The following AADACL4 variants were observed in gnomAD, a reference collection of about 807,000 sequenced individuals.
The protein encoded by AADACL4 is arylacetamide deacetylase-like 4.
AADACL4 carries 9 observed loss-of-function variants against 14.1 expected under a neutral mutation model. The ratio of observed to expected loss-of-function variants is 0.64; its 90% confidence interval spans 0.39 to 1.12. AADACL4 has a LOEUF of 1.12. AADACL4 is among the 50% of genes most tolerant of loss of function. The pLI is 0.01. For missense variants in AADACL4, 531 were observed against 516.1 expected, an observed-to-expected ratio of 1.03 and a Z score of -0.28; for synonymous variants, 188 against 201.6, an observed-to-expected ratio of 0.93 and a Z score of 0.57.
intron 2 of AADACL4, among the ~76,000 whole-genome samples, chr1:12,659,210 T>C (rs1472307823): frequency 6.6e-6 from 1 of 152,166 alleles, no homozygotes; most frequent in Non-Finnish European, 1.5e-5. Context: ...TCTGTTGTCA[T>C]GGGAACAGAA....
intron 3 of AADACL4, among the ~76,000 whole-genome samples, chr1:12,662,374 T>C (rs1000070273): frequency 2.0e-5 from 3 of 152,096 alleles, no homozygotes; most frequent in Non-Finnish European, 2.9e-5. Context: ...CAAAATGGCA[T>C]GATGGTGGGG....
chr1:12,648,388 C>CCTTCCTTCCTTCCTTTCTTT (rs1487579652), intron 1 of AADACL4, among the ~76,000 whole-genome samples: 1,496 of 146,686 alleles, frequency 0.01, 27 homozygotes, highest in African/African-American at 0.03. Flanking sequence ...TTCCTTCCTT[C>CCTTCCTTCCTTCCTTTCTTT]CTTTCTTTCC....
rs544383295 is a variant in AADACL4 at position 12,657,593 on chromosome 1, T to C, written c.386-4198T>C. On this transcript the variant is annotated intron_variant, in intron 2 of 3. Coordinates refer to ENST00000376221, the MANE Select transcript of AADACL4 (RefSeq NM_001013630.2). ...GAAAAGCACATAGTCAAGAAAAGAG[T>C]GCAGGCAGACTCAAGAGAGACACGT... is the stretch of plus-strand genomic sequence containing the variant. Among the ~76,000 whole-genome samples the C allele has an allele frequency of 3.9e-5, 6 of 152,032 alleles. No individual in the cohort carries two copies. The South Asian group carries it at 1.2e-3, about 32-fold the overall frequency.
intron 2 of AADACL4, 128 bp downstream of exon 2, chr1:12,651,467 T>A: frequency 2.0e-6 from 2 of 984,370 alleles, no homozygotes; most frequent in Non-Finnish European, 3.0e-6. Flanking sequence ...TTTATAGCGT[T>A]AATAGCCCAG....
chr1:12,666,001 C>T lies in AADACL4; in HGVS notation c.490C>T (p.Gln164Ter), dbSNP rs1473053841. 3.1e-6 allele frequency: 5 copies of T among 1,613,254 alleles called. No individual in the cohort carries two copies. In the African/African-American group the frequency reaches 4.0e-5, roughly 13 times the overall value. ...LPDHHSPALF[Q>*]DCMNASIHFL... ...TGACCACCATTCCCCTGCCCTTTTC[C>T]AAGACTGCATGAATGCCTCCATTCA... The change falls in exon 4 of 4, where the codon CAA becomes TAA. Residue 164 changes from glutamine to a stop codon, truncating the protein, a stop_gained. Transcript: ENST00000376221. LOFTEE classifies it low-confidence loss of function (END_TRUNC).
At chr1:12,659,321 C>T (rs1487206120) in intron 2 of AADACL4, among the ~76,000 whole-genome samples, 1 of 152,164 alleles carries the variant, frequency 6.6e-6, no homozygotes, top group Non-Finnish European at 1.5e-5. Flanking sequence ...AATCTCACAG[C>T]ATCATTCCGA....
At chr1:12,655,758 A>G (rs1647176518) in intron 2 of AADACL4, among the ~76,000 whole-genome samples, 1 of 151,932 alleles carries the variant, frequency 6.6e-6, no homozygotes, top group South Asian at 2.1e-4. Flanking sequence ...TGTCCCTATT[A>G]TTGAATATCC....
At chr1:12,653,562 C>G (rs1025469286) in intron 2 of AADACL4, among the ~76,000 whole-genome samples, 1 of 152,162 alleles carries the variant, frequency 6.6e-6, no homozygotes, top group Non-Finnish European at 1.5e-5. Context: ...GGTTTATTAC[C>G]GCACAAACCC....
chr1:12,666,604 G>C lies in AADACL4; in HGVS notation c.1093G>C (p.Val365Leu). The change falls in exon 4 of 4, where the codon GTC becomes CTC. Residue 365 changes from valine to leucine, a missense_variant. Val to Leu is a conservative substitution (Grantham distance 32, BLOSUM62 1). Transcript: ENST00000376221. The stretch of plus-strand genomic sequence containing the variant: ...TAAGAAGCGCTTGGAGGACCAGGGG[G>C]TCCGCGTGACATGGTACCACCTGTA... ...LYKKRLEDQG[V>L]RVTWYHLYDG... 6.2e-7 allele frequency: 1 copy of C among 1,614,218 alleles called. No individual in the cohort carries two copies. The highest frequency in any genetic ancestry group is 8.5e-7 in the Non-Finnish European group (1 of 1,180,038).
chr1:12,662,851 C>G (rs1365016854), intron 3 of AADACL4, among the ~76,000 whole-genome samples: 2 of 152,186 alleles, frequency 1.3e-5, no homozygotes, highest in Non-Finnish European at 2.9e-5. Flanking sequence ...AGGTGGCTTA[C>G]CATTGTGTCT....
rs777133557 is a variant in AADACL4 at position 12,666,742 on chromosome 1, C to T, written c.*7C>T. On this transcript the variant is annotated 3_prime_UTR_variant, in exon 4 of 4. Coordinates refer to ENST00000376221, the MANE Select transcript of AADACL4 (RefSeq NM_001013630.2). The stretch of plus-strand genomic sequence containing the variant: ...TTATATAAAGGGCATATGATAGTAA[C>T]CCTGGGGCCCCGAGGAGGAAGGGGC... 4 of 1,584,790 alleles carry T rather than the reference C, an allele frequency of 2.5e-6. No homozygotes were observed. The highest frequency in any genetic ancestry group is 3.4e-6 in the Non-Finnish European group (4 of 1,169,552).
intron 1 of AADACL4, among the ~76,000 whole-genome samples, chr1:12,646,412 A>G (rs955265106): frequency 6.6e-6 from 1 of 152,196 alleles, no homozygotes; most frequent in Non-Finnish European, 1.5e-5. Flanking sequence ...TTACAAAAAC[A>G]TTTTCTAAAA....
chr1:12,659,249 G>C (rs1038976606), intron 2 of AADACL4, among the ~76,000 whole-genome samples: 2 of 152,214 alleles, frequency 1.3e-5, no homozygotes, highest in African/African-American at 4.8e-5. Flanking sequence ...GGACCTGACA[G>C]TCACCTGAGG....
Position 12,646,815 on chromosome 1 carries a change from A to C in AADACL4, c.168+2101A>C, listed in dbSNP as rs544320183. 3.3e-5 allele frequency among the ~76,000 whole-genome samples: 5 copies of C among 152,272 alleles called. No homozygotes were observed. In the East Asian group the frequency reaches 9.7e-4, roughly 29 times the overall value. On this transcript the variant is annotated intron_variant, in intron 1 of 3. Transcript: ENST00000376221. ...GGCGTCCTCTCTCGATCCCTCCGGCACTGGGGCCTCCCAGGGCACACTGCC... is the reference window on the plus strand; with the variant it reads ...GGCGTCCTCTCTCGATCCCTCCGGCCCTGGGGCCTCCCAGGGCACACTGCC...
At chr1:12,664,777 G>A (rs1490062177) in intron 3 of AADACL4, among the ~76,000 whole-genome samples, 1 of 152,156 alleles carries the variant, frequency 6.6e-6, no homozygotes, top group Non-Finnish European at 1.5e-5. Flanking sequence ...AAGCCAAACT[G>A]TTTCTATTTT....
chr1:12,661,712 C>A, intron 2 of AADACL4, 79 bp from the exon 3 acceptor site: 1 of 1,397,258 alleles, frequency 7.2e-7, no homozygotes, highest in Non-Finnish European at 1.0e-6. Context: ...AGACTGTCAG[C>A]TGGCTCTTCC....
At chr1:12,645,093 CCTT>C (rs1373048463) in intron 1 of AADACL4, among the ~76,000 whole-genome samples, 1 of 145,276 alleles carries the variant, frequency 6.9e-6, no homozygotes, top group Non-Finnish European at 1.5e-5. Flanking sequence ...CCGCTCCTTT[CCTT>C]CCTTTTTCCT....
At chr1:12,646,947 G>A (rs1436529870) in intron 1 of AADACL4, among the ~76,000 whole-genome samples, 1 of 152,104 alleles carries the variant, frequency 6.6e-6, no homozygotes, top group Non-Finnish European at 1.5e-5. Flanking sequence ...GGGAGGACAA[G>A]GAAAAAGCTA....
At chr1:12,654,142 T>C (rs1315896243) in intron 2 of AADACL4, among the ~76,000 whole-genome samples, 2 of 152,170 alleles carry the variant, frequency 1.3e-5, no homozygotes, top group Admixed American at 1.3e-4. Flanking sequence ...CATGAACCAA[T>C]TGGTGTCTCC....
Sources: allele counts gnomAD v4.1 joint callset (sites outside exome capture counted in the v4.1 genomes callset), GRCh38; gene constraint gnomAD v4.1.1; transcripts MANE v1.5; gene names NCBI Gene and HGNC (gene_info 2026-07-23, HGNC 2026-07-21).